The following SPICE1 variants were observed in gnomAD, a reference collection of about 807,000 sequenced individuals.
SPICE1 encodes the protein spindle and centriole associated protein 1.
SPICE1 carries 75 observed loss-of-function variants against 102.7 expected under a neutral mutation model. The ratio of observed to expected loss-of-function variants is 0.73; its 90% CI spans 0.61 to 0.88. The LOEUF (loss-of-function observed/expected upper bound fraction) is 0.88. Among genes scored for constraint, SPICE1 ranks in the 40% least tolerant of loss-of-function variants. SPICE1 has a pLI of 0.00. For synonymous variants in SPICE1, 308 were observed against 350.3 expected (o/e 0.88, Z 1.35); for missense variants, 979 against 1,020.1 (o/e 0.96, Z 0.55).
chr3:113,460,567 A>C (rs1935908172), intron 12 of SPICE1, 50 bp downstream of exon 12: 1 of 1,550,238 alleles, frequency 6.5e-7, no homozygotes, highest in Non-Finnish European at 8.7e-7. Context: ...TTGTTATCTA[A>C]GGCCATTAAG....
rs544062851 is a variant in SPICE1 at position 113,514,712 on chromosome 3, C to G, written c.-1+185G>C. On this transcript the variant is annotated intron_variant, in intron 1 of 17. Coordinates refer to ENST00000295872, the MANE Select transcript of SPICE1 (RefSeq NM_144718.4). ...CATCCATCGATTTAAATGACGCTCC[C>G]GGTCCCAAAGCACCCTGGATAGTTT... 8.2e-6 allele frequency: 10 copies of G among 1,217,546 alleles called. No individual in the cohort carries two copies. The South Asian group carries it at 1.1e-4, about 14-fold the overall frequency. 75.4% of individuals were successfully genotyped at this position (1,217,546 alleles called of 1,614,324 possible). A position where few individuals can be genotyped will look rare whatever the true frequency, so the allele number is the denominator to read the frequency against.
chr3:113,446,729 T>A, intron 16 of SPICE1, 53 bp from the exon 17 acceptor site: 1 of 1,389,232 alleles, frequency 7.2e-7, no homozygotes, highest in Non-Finnish European at 1.0e-6. Context: ...TTATTAACCT[T>A]AAAAGATTAT....
intron 7 of SPICE1, among the ~76,000 whole-genome samples, chr3:113,474,954 G>C (rs1265564201): frequency 2.0e-5 from 3 of 152,014 alleles, no homozygotes; most frequent in Non-Finnish European, 4.4e-5. Context: ...GAAGGAAACA[G>C]AGACACAAAA....
In SPICE1 at chr3:113,457,365, AGAT is replaced by A; in HGVS notation, c.1436-11_1436-9del. 6.2e-7 allele frequency: 1 copy of A among 1,613,740 alleles called. No individual in the cohort carries two copies. The highest frequency in any genetic ancestry group is 8.5e-7 in the Non-Finnish European group (1 of 1,179,782). On this transcript the variant is annotated splice_polypyrimidine_tract_variant and intron_variant, in intron 12 of 17. Coordinates refer to ENST00000295872, the MANE Select transcript of SPICE1 (RefSeq NM_144718.4). ...CATTTACAACTGGACGCTCTGAAGAAGATGAGAGGATATTAGTACAATAGGAAC... is the reference window on the plus strand; with the variant it reads ...CATTTACAACTGGACGCTCTGAAGAAGAGAGGATATTAGTACAATAGGAAC...
intron 15 of SPICE1, 167 bp downstream of exon 15, chr3:113,450,169 C>A (rs970248608): frequency 1.7e-5 from 11 of 658,970 alleles, no homozygotes; most frequent in Non-Finnish European, 2.6e-5. Context: ...CTTCTAATCC[C>A]ATTTCTGTCA....
In SPICE1 at chr3:113,443,212, G is replaced by C. The variant is rs760968798; in HGVS notation, c.*2095C>G. On this transcript the variant is annotated 3_prime_UTR_variant, in exon 18 of 18. Coordinates refer to ENST00000295872, the MANE Select transcript of SPICE1 (RefSeq NM_144718.4). ...TCACTTAATCCTCACAAGCCTCTAGGGAAGACATTATGTCTGACTTTCAAA... is the reference window on the plus strand; with the variant it reads ...TCACTTAATCCTCACAAGCCTCTAGCGAAGACATTATGTCTGACTTTCAAA... 11 of 152,124 alleles carry C rather than the reference G, an allele frequency of 7.2e-5. No homozygotes were observed. Among genetic ancestry groups the C allele is most frequent in the Non-Finnish European group, 1.5e-4 (10 of 68,036 alleles). The allele number at this position is 152,124 out of a possible 1,614,324, so 9.4% of individuals were successfully genotyped here.
intron 6 of SPICE1, among the ~76,000 whole-genome samples, chr3:113,491,934 C>T (rs528430605): frequency 4.6e-4 from 70 of 152,286 alleles, no homozygotes; most frequent in Admixed American, 8.5e-4. Context: ...TAAAATCTGA[C>T]TGCTTTATTC....
intron 11 of SPICE1, among the ~76,000 whole-genome samples, chr3:113,464,513 C>G (rs751865744): frequency 1.3e-5 from 2 of 152,014 alleles, no homozygotes; most frequent in Non-Finnish European, 2.9e-5. Flanking sequence ...ACCTTGGCAC[C>G]CAAAATGTGG....
intron 1 of SPICE1, 165 bp downstream of exon 1, chr3:113,514,732 T>G: frequency 7.8e-7 from 1 of 1,274,320 alleles, no homozygotes; most frequent in South Asian, 1.2e-5. Flanking sequence ...GCACCCTGGA[T>G]AGTTTGCCTC....
chr3:113,504,517 A>G (rs1403380102), intron 2 of SPICE1, among the ~76,000 whole-genome samples: 1 of 148,514 alleles, frequency 6.7e-6, no homozygotes, highest in Non-Finnish European at 1.5e-5. Flanking sequence ...GGAAGATCTC[A>G]TCATGAGCCC....
chr3:113,495,532 A>G (rs2107497444), intron 4 of SPICE1, among the ~76,000 whole-genome samples: 1 of 152,362 alleles, frequency 6.6e-6, no homozygotes, highest in Non-Finnish European at 1.5e-5. Context: ...CATCAGACCC[A>G]GAAGACTGAG....
rs575905324 is a variant in SPICE1, at chr3:113,466,562, A to G, written c.1156-778T>C. Among the ~76,000 whole-genome samples, 8 of 151,798 alleles carry G rather than the reference A, an allele frequency of 5.3e-5. No individual in the cohort carries two copies. In the South Asian group the frequency reaches 1.5e-3, roughly 28 times the overall value. On this transcript the variant is annotated intron_variant, in intron 10 of 17. Coordinates refer to ENST00000295872, the MANE Select transcript of SPICE1 (RefSeq NM_144718.4). Reference sequence around the variant, plus strand: ...GAGGCAGAGGTTGCAGTGAGCCAAGATCATGCCACTGCACTCCAGCCTAGC... The same window carrying G: ...GAGGCAGAGGTTGCAGTGAGCCAAGGTCATGCCACTGCACTCCAGCCTAGC...
intron 13 of SPICE1, 100 bp downstream of exon 13, chr3:113,457,036 G>T: frequency 8.5e-7 from 1 of 1,178,780 alleles, no homozygotes; most frequent in South Asian, 1.5e-5. Context: ...GGTAATCAGT[G>T]TCTTTTTCAA....
intron 4 of SPICE1, among the ~76,000 whole-genome samples, chr3:113,495,326 G>A (rs1936859408): frequency 6.6e-6 from 1 of 152,178 alleles, no homozygotes; most frequent in African/African-American, 2.4e-5. Flanking sequence ...CTATACTACA[G>A]AATCAAATAC....
intron 7 of SPICE1, among the ~76,000 whole-genome samples, chr3:113,482,764 A>G (rs971559981): frequency 6.6e-6 from 1 of 152,142 alleles, no homozygotes; most frequent in Non-Finnish European, 1.5e-5. Context: ...ATTGGTCTAC[A>G]TATCTGTTTT....
At chr3:113,505,351 A>G (rs1937088138) in intron 2 of SPICE1, among the ~76,000 whole-genome samples, 3 of 151,918 alleles carry the variant, frequency 2.0e-5, no homozygotes. Flanking sequence ...CTTACCTTAG[A>G]GTCACATCCT....
At chr3:113,449,414 A>C (rs1215826651) in intron 15 of SPICE1, 1 of 152,230 alleles carries the variant, frequency 6.6e-6, no homozygotes, top group African/African-American at 2.4e-5. Flanking sequence ...TCTAGGCTTC[A>C]TAACTATGAA....
chr3:113,510,773 C>G (rs1937205119), intron 1 of SPICE1, among the ~76,000 whole-genome samples: 1 of 151,964 alleles, frequency 6.6e-6, no homozygotes, highest in Non-Finnish European at 1.5e-5. Context: ...AAATGGAATC[C>G]AATTAAACTA....
chr3:113,489,491 C>T (rs920047420), intron 6 of SPICE1, among the ~76,000 whole-genome samples: 1 of 152,142 alleles, frequency 6.6e-6, no homozygotes, highest in Admixed American at 6.6e-5. Context: ...TTATTTCTAA[C>T]TCAAATGGAT....
Sources: gnomAD v4.1 joint callset for allele counts (sites outside exome capture counted in the v4.1 genomes callset) on GRCh38, gnomAD v4.1.1 for gene constraint, MANE v1.5 for transcripts, NCBI Gene and HGNC (gene_info 2026-07-23, HGNC 2026-07-21) for gene names.